Variants in NINJ1 observed in about 807,000 individuals in gnomAD.
NINJ1 encodes ninjurin-1.
Under a neutral mutation model 12.7 loss-of-function variants are expected in NINJ1, and 6 were observed. That is an observed-to-expected ratio of 0.47 (90% CI 0.26 to 0.93). The LOEUF (loss-of-function observed/expected upper bound fraction) is 0.93. Among genes scored for constraint, NINJ1 ranks in the 40% least tolerant of loss-of-function variants. The pLI is 0.15. For missense variants in NINJ1, 170 were observed against 213.0 expected (o/e 0.80, Z 1.26); for synonymous variants, 100 against 96.0 (o/e 1.04, Z -0.25).
At chr9:93,129,102 AC>A (rs1827853819) in intron 1 of NINJ1, among the ~76,000 whole-genome samples, 2 of 152,068 alleles carry the variant, frequency 1.3e-5, no homozygotes, top group Admixed American at 6.6e-5. Flanking sequence ...AGCTCTCAGC[AC>A]CCCCAGCCAC....
intron 1 of NINJ1, among the ~76,000 whole-genome samples, chr9:93,128,778 C>T (rs1827848496): frequency 6.6e-6 from 1 of 152,212 alleles, no homozygotes; most frequent in African/African-American, 2.4e-5. Flanking sequence ...GGCATCTACA[C>T]ATATATGTGC....
rs575011939 is a variant in NINJ1 at position 93,132,252 on chromosome 9, G to A, written c.75+1891C>T. ...GCCCCCAGGCTGGGTGAGCAGAGCG[G>A]CCCTCGAAGTTTTCTACCCCTCAAG... On this transcript the variant is annotated intron_variant, in intron 1 of 3. Transcript: ENST00000375446. 8.5e-5 allele frequency among the ~76,000 whole-genome samples: 13 copies of A among 152,338 alleles called. No homozygotes were observed. In the South Asian group the frequency reaches 1.9e-3, roughly 22 times the overall value.
chr9:93,124,770 G>T, intron 3 of NINJ1, 129 bp downstream of exon 3: 1 of 992,318 alleles, frequency 1.0e-6, no homozygotes, highest in Non-Finnish European at 1.4e-6. Context: ...CCTTGTAGGT[G>T]TGGACGAGGA....
At chr9:93,127,023 T>C (rs1304299597) in intron 1 of NINJ1, among the ~76,000 whole-genome samples, 1 of 151,918 alleles carries the variant, frequency 6.6e-6, no homozygotes, top group Admixed American at 6.6e-5. Flanking sequence ...GAGCTCCTGA[T>C]GCCAGGAAAG....
intron 1 of NINJ1, 74 bp from the exon 2 acceptor site, chr9:93,126,712 G>A: frequency 2.5e-6 from 3 of 1,215,750 alleles, no homozygotes; most frequent in Non-Finnish European, 3.5e-6. Flanking sequence ...GGGCTCTGGG[G>A]GTCACCGGGC....
chr9:93,128,963 G>A (rs555452360), intron 1 of NINJ1, among the ~76,000 whole-genome samples: 2 of 152,324 alleles, frequency 1.3e-5, no homozygotes, highest in South Asian at 2.1e-4. Context: ...CTCTGGGCAG[G>A]AGGAAGAATT....
chr9:93,133,072 C>A (rs1032370075), intron 1 of NINJ1, among the ~76,000 whole-genome samples: 1 of 152,208 alleles, frequency 6.6e-6, no homozygotes, highest in African/African-American at 2.4e-5. Flanking sequence ...AAAGTGCTCA[C>A]ACACTGGGGC....
chr9:93,124,181 T>C (rs1158324459), intron 3 of NINJ1, among the ~76,000 whole-genome samples: 1 of 152,208 alleles, frequency 6.6e-6, no homozygotes, highest in African/African-American at 2.4e-5. Context: ...GGTCCCTTTT[T>C]CTCAGACGAG....
In NINJ1 at chr9:93,134,240, G is replaced by A. The variant is rs1173956307; in HGVS notation, c.-23C>T. On this transcript the variant is annotated 5_prime_UTR_variant, in exon 1 of 4. Coordinates refer to ENST00000375446, the MANE Select transcript of NINJ1 (RefSeq NM_004148.4). The stretch of plus-strand genomic sequence containing the variant: ...CATGGTGCGGCCGCCCAGGCCGCCA[G>A]GATCCGGGCCTGAGCGCGCCCGAGC... The A allele has an allele frequency of 6.9e-7, 1 of 1,457,720 alleles. No homozygotes were observed. Among genetic ancestry groups the A allele is most frequent in the South Asian group, 1.3e-5 (1 of 76,770 alleles). The allele number at this position is 1,457,720 out of a possible 1,614,324, so 90.3% of individuals were successfully genotyped here.
At position 93,124,893 on chromosome 9, in the gene NINJ1, G is replaced by A; in HGVS notation, c.*9+6C>T. 1 of 1,598,632 alleles carries A rather than the reference G, an allele frequency of 6.3e-7. No individual in the cohort carries two copies. Among genetic ancestry groups the A allele is most frequent in the Non-Finnish European group, 8.5e-7 (1 of 1,171,596 alleles). The stretch of plus-strand genomic sequence containing the variant: ...TGCAGGCCTCGCGCCCCATCTCCCA[G>A]CTCACCTGGGTGTCCTACTGCTGGG... On this transcript the variant is annotated splice_donor_region_variant and intron_variant, in intron 3 of 3. Transcript: ENST00000375446.
chr9:93,128,525 G>A (rs1288647767), intron 1 of NINJ1, among the ~76,000 whole-genome samples: 2 of 152,228 alleles, frequency 1.3e-5, no homozygotes, highest in Non-Finnish European at 2.9e-5. Flanking sequence ...CACTGAGGTC[G>A]TCTCCAGTTC....
intron 1 of NINJ1, among the ~76,000 whole-genome samples, chr9:93,130,618 G>A: frequency 6.6e-6 from 1 of 152,164 alleles, no homozygotes; most frequent in Non-Finnish European, 1.5e-5. Context: ...TTGTAAAATG[G>A]GTAGACAAGG....
chr9:93,123,165 C>T (rs904651379), intron 3 of NINJ1, among the ~76,000 whole-genome samples: 2 of 152,182 alleles, frequency 1.3e-5, no homozygotes, highest in Admixed American at 6.5e-5. Context: ...TGGGCCACTA[C>T]GAGCAGCGGT....
At chr9:93,128,524 C>T (rs1431977386) in intron 1 of NINJ1, among the ~76,000 whole-genome samples, 2 of 152,238 alleles carry the variant, frequency 1.3e-5, no homozygotes, top group African/African-American at 2.4e-5. Context: ...GCACTGAGGT[C>T]GTCTCCAGTT....
At chr9:93,132,763 G>T (rs1183197434) in intron 1 of NINJ1, among the ~76,000 whole-genome samples, 1 of 152,244 alleles carries the variant, frequency 6.6e-6, no homozygotes, top group Non-Finnish European at 1.5e-5. Flanking sequence ...CTCTGGGCTT[G>T]AGATGCACCC....
rs146557653 is a variant in NINJ1 at position 93,130,319 on chromosome 9, G to C, written c.76-3681C>G. On this transcript the variant is annotated intron_variant, in intron 1 of 3. Coordinates refer to ENST00000375446, the MANE Select transcript of NINJ1 (RefSeq NM_004148.4). The stretch of plus-strand genomic sequence containing the variant: ...CACGGTCGGTCCTAGGGCCACTTCA[G>C]TGAGCATCCTCAGCTCAGGCAGGAG... Among the ~76,000 whole-genome samples the C allele has an allele frequency of 2.5e-3, 377 of 152,334 alleles. 1 individual carries two copies. The highest frequency in any genetic ancestry group is 8.3e-3 in the African/African-American group (344 of 41,564).
chr9:93,127,913 G>A (rs1391913392), intron 1 of NINJ1, among the ~76,000 whole-genome samples: 3 of 152,252 alleles, frequency 2.0e-5, no homozygotes, highest in African/African-American at 7.2e-5. Context: ...TCGACTTTCT[G>A]CAGGCTGGAA....
In NINJ1 at chr9:93,130,259, C is replaced by T. The variant is rs555990449; in HGVS notation, c.76-3621G>A. 3.3e-5 allele frequency among the ~76,000 whole-genome samples: 5 copies of T among 152,294 alleles called. No individual in the cohort carries two copies. The East Asian group carries it at 9.6e-4, about 29-fold the overall frequency. On this transcript the variant is annotated intron_variant, in intron 1 of 3. Transcript: ENST00000375446. ...GCAACCTTCTGTGGACGGTCGGCCT[C>T]CCCACTGCAGGCTGCACATGTTGGG... is the stretch of plus-strand genomic sequence containing the variant.
At chr9:93,122,503 C>CTGGGA (rs1564217793) in intron 3 of NINJ1, among the ~76,000 whole-genome samples, 19 of 151,886 alleles carry the variant, frequency 1.3e-4, no homozygotes, top group Non-Finnish European at 2.1e-4. Context: ...GGCTCTGAGC[C>CTGGGA]AGGCTGTGAC....
Sources: allele counts gnomAD v4.1 joint callset (sites outside exome capture counted in the v4.1 genomes callset), GRCh38; gene constraint gnomAD v4.1.1; transcripts MANE v1.5; gene names NCBI Gene and HGNC (gene_info 2026-07-23, HGNC 2026-07-21).